The following DZIP1 variants were observed in gnomAD, a reference collection of about 807,000 sequenced individuals.
The protein encoded by DZIP1 is DAZ interacting zinc finger protein 1.
A neutral mutation model predicts 107.6 loss-of-function variants in DZIP1; 97 were observed. The observed-to-expected ratio is 0.90, with a 90% confidence interval of 0.77 to 1.07. The LOEUF is 1.07. DZIP1 is among the 50% of genes least tolerant of loss of function. DZIP1 has a pLI of 0.00. For synonymous variants in DZIP1, 390 were observed against 386.4 expected, an observed-to-expected ratio of 1.01 and a Z score of -0.11; for missense variants, 1,035 against 1,063.6, an observed-to-expected ratio of 0.97 and a Z score of 0.37.
rs551464365 is a variant in DZIP1 at position 95,605,069 on chromosome 13, C to T, written c.1477+934G>A. The stretch of plus-strand genomic sequence containing the variant: ...CAACTGACCCACCTGAAATGATCTT[C>T]GGGAAAAAAATAAGGTGCAATAAAC... On this transcript the variant is annotated intron_variant, in intron 14 of 22. Coordinates refer to ENST00000376829, the MANE Select transcript of DZIP1 (RefSeq NM_198968.4). Among the ~76,000 whole-genome samples, 17 of 151,914 alleles carry T rather than the reference C, an allele frequency of 1.1e-4. No homozygotes were observed. In the East Asian group the frequency reaches 1.7e-3, roughly 16 times the overall value.
chr13:95,609,596 C>A, intron 12 of DZIP1, 83 bp from the exon 13 acceptor site: 1 of 966,946 alleles, frequency 1.0e-6, no homozygotes, highest in Non-Finnish European at 1.5e-6. Flanking sequence ...AATTTGAGCC[C>A]CCATAAAAAA....
At chr13:95,615,717 G>A (rs1222141726) in intron 10 of DZIP1, among the ~76,000 whole-genome samples, 3 of 152,186 alleles carry the variant, frequency 2.0e-5, no homozygotes, top group Non-Finnish European at 1.5e-5. Flanking sequence ...AGCTTCACAG[G>A]TGAGTGCCTG....
Position 95,612,173 on chromosome 13 carries a change from A to G in DZIP1, c.1178T>C (p.Leu393Pro). Residue 393 changes from leucine to proline, a missense_variant, in exon 11 of 23, where the codon CTG becomes CCG. Physicochemically the swap from Leu to Pro is moderately conservative, Grantham distance 98. Coordinates refer to ENST00000376829, the MANE Select transcript of DZIP1 (RefSeq NM_198968.4). ...GGTTCGAAGTTTCTCTATATGTGACAGGAGCTGAAAAAAAGTTAAGAAAGG... is the reference window on the plus strand; with the variant it reads ...GGTTCGAAGTTTCTCTATATGTGACGGGAGCTGAAAAAAAGTTAAGAAAGG... The part of the protein sequence containing the change: ...QEHKKEKGRL[L>P]SHIEKLRTSM... 6.2e-7 allele frequency: 1 copy of G among 1,608,074 alleles called. No homozygotes were observed.
intron 10 of DZIP1, among the ~76,000 whole-genome samples, chr13:95,614,125 CAAAAAAA>C (rs11327779): frequency 2.7e-5 from 2 of 73,432 alleles, no homozygotes; most frequent in African/African-American, 1.0e-4. Context: ...GACCCTGTCT[CAAAAAAA>C]AAAAAAAAAA....
At chr13:95,596,441 A>G (rs1427383693) in intron 15 of DZIP1, among the ~76,000 whole-genome samples, 1 of 152,202 alleles carries the variant, frequency 6.6e-6, no homozygotes, top group Non-Finnish European at 1.5e-5. Flanking sequence ...TCTGAGTTGG[A>G]AGGGAATTTA....
chr13:95,615,124 T>C (rs1008578214), intron 10 of DZIP1, among the ~76,000 whole-genome samples: 3 of 152,106 alleles, frequency 2.0e-5, no homozygotes, highest in African/African-American at 7.2e-5. Context: ...CCCACATACC[T>C]AGTATGTGAG....
Position 95,612,021 on chromosome 13 carries a change from C to T in DZIP1, c.1314+16G>A. ...TTGCTTAAAGAAGCACGGTGCCACA[C>T]TGCCGCCAGACATACCTGCTGTCTC... On this transcript the variant is annotated intron_variant, in intron 11 of 22. Coordinates refer to ENST00000376829, the MANE Select transcript of DZIP1 (RefSeq NM_198968.4). The T allele has an allele frequency of 6.2e-7, 1 of 1,611,492 alleles. No individual in the cohort carries two copies. Among genetic ancestry groups the T allele is most frequent in the Admixed American group, 1.7e-5 (1 of 59,654 alleles).
At chr13:95,593,636 T>A (rs1234821885) in intron 16 of DZIP1, among the ~76,000 whole-genome samples, 1 of 152,254 alleles carries the variant, frequency 6.6e-6, no homozygotes, top group Non-Finnish European at 1.5e-5. Flanking sequence ...CCCTGGCTCC[T>A]TCATTACTAG....
At chr13:95,611,953 C>A (rs2045021922) in intron 11 of DZIP1, 84 bp downstream of exon 11, 13 of 1,521,928 alleles carry the variant, frequency 8.5e-6, no homozygotes, top group African/African-American at 1.4e-5. Context: ...ATACCACTTA[C>A]AAATGCTCTA....
intron 21 of DZIP1, among the ~76,000 whole-genome samples, chr13:95,585,570 T>C (rs2044138968): frequency 6.6e-6 from 1 of 152,160 alleles, no homozygotes; most frequent in Admixed American, 6.5e-5. Flanking sequence ...GGGAAAATGT[T>C]TGGGCTTCTT....
At chr13:95,584,953 A>C (rs1338999284) in intron 21 of DZIP1, 43 bp from the exon 22 acceptor site, 1 of 1,552,158 alleles carries the variant, frequency 6.4e-7, no homozygotes, top group East Asian at 2.3e-5. Context: ...GCTTAGAAAA[A>C]AATGGTGTCC....
intron 11 of DZIP1, 104 bp from the exon 12 acceptor site, chr13:95,611,597 A>C: frequency 1.0e-6 from 1 of 997,878 alleles, no homozygotes; most frequent in Admixed American, 2.0e-5. Flanking sequence ...CCTTTTCACT[A>C]AATTATCCAG....
At chr13:95,590,074 G>T in intron 17 of DZIP1, 142 bp from the exon 18 acceptor site, 1 of 1,236,042 alleles carries the variant, frequency 8.1e-7, no homozygotes, top group Non-Finnish European at 1.1e-6. Context: ...CTCTAGGGTT[G>T]TTGTTTTGTT....
At position 95,641,928 on chromosome 13, in the gene DZIP1, G is replaced by C; in HGVS notation, c.36+66C>G. The C allele has an allele frequency of 6.7e-7, 1 of 1,490,844 alleles. No individual in the cohort carries two copies. Among genetic ancestry groups the C allele is most frequent in the African/African-American group, 1.5e-5 (1 of 68,158 alleles). 92.4% of individuals were successfully genotyped at this position (1,490,844 alleles called of 1,614,324 possible). ...GGGCAGGCTGGGGAGCTGGGGGTCC[G>C]GGGAAGCCCCGGTTCTCCCCAGCCC... On this transcript the variant is annotated intron_variant, in intron 4 of 22. Coordinates refer to ENST00000376829, the MANE Select transcript of DZIP1 (RefSeq NM_198968.4). This position sits in a 1 kb window ranked among gnomAD's most constrained non-coding sequence, Gnocchi z 4.3.
At chr13:95,609,423 C>G (rs758566495) in intron 13 of DZIP1, 34 bp downstream of exon 13, 3 of 1,429,454 alleles carry the variant, frequency 2.1e-6, no homozygotes, top group Non-Finnish European at 2.8e-6. Context: ...TTTAAAGATA[C>G]CTTTGGAGCC....
intron 22 of DZIP1, among the ~76,000 whole-genome samples, chr13:95,583,659 C>A (rs7331559): frequency 1 from 152,304 of 152,304 alleles, 76,152 homozygotes; most frequent in Non-Finnish European, 1. Flanking sequence ...ACTGACTACA[C>A]GGCTACAAGA....
intron 16 of DZIP1, among the ~76,000 whole-genome samples, chr13:95,593,601 A>C (rs1172177725): frequency 6.6e-6 from 1 of 152,248 alleles, no homozygotes; most frequent in Non-Finnish European, 1.5e-5. Flanking sequence ...GAATGTAAGC[A>C]GCACTGTGAC....
intron 10 of DZIP1, 102 bp from the exon 11 acceptor site, chr13:95,612,279 A>C: frequency 7.5e-7 from 1 of 1,330,898 alleles, no homozygotes; most frequent in Non-Finnish European, 1.0e-6. Context: ...TGCTAGCCTG[A>C]TGCTATCCGT....
rs1008385530 is a variant in DZIP1 at position 95,584,846 on chromosome 13, T to C, written c.2414A>G (p.Lys805Arg). ...SSLEEEISLG[K>R]KSGKEQKEPP... ...TTCCTTCTGTTCTTTCCCAGATTTT[T>C]TTCCCAAAGATATCTCTTCCTCTAG... is the stretch of plus-strand genomic sequence containing the variant. The change falls in exon 22 of 23, where the codon AAA (lysine) becomes AGA (arginine). Residue 805 changes from lysine to arginine, a missense_variant. Lys to Arg is a conservative substitution (Grantham distance 26, BLOSUM62 2). Coordinates refer to ENST00000376829, the MANE Select transcript of DZIP1 (RefSeq NM_198968.4). The C allele has an allele frequency of 1.2e-6, 2 of 1,614,036 alleles. No homozygotes were observed. The highest frequency in any genetic ancestry group is 1.3e-5 in the African/African-American group (1 of 74,922).
Sources: gnomAD v4.1 joint callset for allele counts (sites outside exome capture counted in the v4.1 genomes callset) on GRCh38, gnomAD v4.1.1 for gene constraint, Gnocchi (gnomAD v3.1) non-coding constraint, MANE v1.5 for transcripts, NCBI Gene and HGNC (gene_info 2026-07-23, HGNC 2026-07-21) for gene names.